MOV10L1: variants seen among roughly 807,000 people sequenced by gnomAD.
MOV10L1 encodes Mov10 like RNA helicase 1.
MOV10L1 carries 110 observed loss-of-function variants against 143.8 expected under a neutral mutation model. That is an observed-to-expected ratio of 0.76 (90% CI 0.66 to 0.90). The LOEUF is 0.90. MOV10L1 is among the 40% of genes least tolerant of loss of function. MOV10L1 has a pLI of 0.00. For synonymous variants in MOV10L1, 593 were observed against 581.1 expected (o/e 1.02, Z -0.29); for missense variants, 1,406 against 1,526.8 (o/e 0.92, Z 1.32).
At chr22:50,143,544 G>A (rs759278236) in intron 17 of MOV10L1, among the ~76,000 whole-genome samples, 1 of 152,174 alleles carries the variant, frequency 6.6e-6, no homozygotes, top group Non-Finnish European at 1.5e-5. Flanking sequence ...ATTTGTAATT[G>A]AAGTTAAGTT....
chr22:50,125,454 T>C lies in MOV10L1; in HGVS notation c.1632T>C (p.Tyr544=), dbSNP rs2147222402. Residue 544 remains tyrosine, a synonymous_variant, in exon 11 of 27, where the codon TAT becomes TAC. Transcript: ENST00000262794. ...CTTTGCTGTGGCTTGAGGAGATTTA[T>C]GCAGAAATGGAACTGAAAGAGTATA... is the stretch of plus-strand genomic sequence containing the variant. ...FSTLLWLEEI[Y]AEMELKEYNM... is the part of the protein sequence containing the mutation. The C allele has an allele frequency of 3.7e-6, 6 of 1,614,224 alleles. No individual in the cohort carries two copies. The East Asian group carries it at 1.1e-4, about 30-fold the overall frequency.
At position 50,104,294 on chromosome 22, in the gene MOV10L1, C is replaced by T. The variant is rs115098666; in HGVS notation, c.443-3842C>T. On this transcript the variant is annotated intron_variant, in intron 3 of 26. Coordinates refer to ENST00000262794, the MANE Select transcript of MOV10L1 (RefSeq NM_018995.3). ...GCTTGGTTTCTAACAGGCCACAGTCCGGTGCCTTCTGTCTACTCTCCCCCA... is the reference window on the plus strand; with the variant it reads ...GCTTGGTTTCTAACAGGCCACAGTCTGGTGCCTTCTGTCTACTCTCCCCCA... Among the ~76,000 whole-genome samples the T allele has an allele frequency of 2.4e-3, 365 of 152,304 alleles. 1 individual carries two copies. The highest frequency in any genetic ancestry group is 8.1e-3 in the African/African-American group (336 of 41,578).
At chr22:50,100,347 A>G (rs951281818) in intron 3 of MOV10L1, among the ~76,000 whole-genome samples, 3 of 152,136 alleles carry the variant, frequency 2.0e-5, no homozygotes, top group African/African-American at 7.2e-5. Context: ...TGTTAAATGC[A>G]GTCAGTAATT....
At chr22:50,156,044 C>T (rs2063418123) in intron 22 of MOV10L1, among the ~76,000 whole-genome samples, 1 of 151,968 alleles carries the variant, frequency 6.6e-6, no homozygotes, top group South Asian at 2.1e-4. Flanking sequence ...AGAGTGAAAC[C>T]CTGTCTCATT....
intron 3 of MOV10L1, among the ~76,000 whole-genome samples, chr22:50,107,216 A>G (rs2061896029): frequency 6.6e-6 from 1 of 151,344 alleles, no homozygotes; most frequent in Non-Finnish European, 1.5e-5. Context: ...CTGGGACTAC[A>G]GGCGCCTACC....
In MOV10L1 at chr22:50,116,193, C is replaced by CTT. The variant is rs111406730; in HGVS notation, c.1260-950_1260-949dup. Reference sequence around the variant, plus strand: ...GTGTGAGGTGCAGCCAGCTTCAATGCTTTTTTTTTTTTTTTGACATTATGA... The same window carrying CTT: ...GTGTGAGGTGCAGCCAGCTTCAATGCTTTTTTTTTTTTTTTTTGACATTATGA... On this transcript the variant is annotated intron_variant, in intron 8 of 26. Coordinates refer to ENST00000262794, the MANE Select transcript of MOV10L1 (RefSeq NM_018995.3). Among the ~76,000 whole-genome samples, 938 of 139,728 alleles carry CTT rather than the reference C, an allele frequency of 6.7e-3. 5 individuals are homozygous for CTT. The highest frequency in any genetic ancestry group is 0.014 in the South Asian group (61 of 4,392). The allele number at this position is 139,728 out of a possible 152,430, so 91.7% of individuals were successfully genotyped here. A position where few individuals can be genotyped will look rare whatever the true frequency, so the allele number is the denominator to read the frequency against.
At chr22:50,123,137 G>A (rs946613963) in intron 10 of MOV10L1, among the ~76,000 whole-genome samples, 4 of 150,536 alleles carry the variant, frequency 2.7e-5, no homozygotes, top group East Asian at 1.9e-4. Flanking sequence ...CAGAGGTTGC[G>A]GTGAGCTGAG....
intron 22 of MOV10L1, among the ~76,000 whole-genome samples, chr22:50,153,695 G>A (rs1466521036): frequency 1.3e-5 from 2 of 152,232 alleles, no homozygotes; most frequent in Admixed American, 6.5e-5. Context: ...AGGAGTGACG[G>A]GCCACCACCC....
At chr22:50,103,322 G>A (rs2061792553) in intron 3 of MOV10L1, among the ~76,000 whole-genome samples, 1 of 152,216 alleles carries the variant, frequency 6.6e-6, no homozygotes, top group African/African-American at 2.4e-5. Context: ...TAACATCAGT[G>A]GTGGGGCTCA....
rs756714170 is a variant in MOV10L1 at position 50,142,094 on chromosome 22, T to G, written c.2084T>G (p.Met695Arg). The stretch of plus-strand genomic sequence containing the variant: ...GATAATTTCTAGAATAGGAAAACAA[T>G]GACGGACCAAGCTGAGCATGGAACA... ...QSTSKKNRKTMTDQAEHGTEE... is the reference protein window; with the variant it reads ...QSTSKKNRKTRTDQAEHGTEE... Residue 695 changes from methionine (M) to arginine (R), a missense_variant, in exon 16 of 27, where the codon ATG becomes AGG. Met to Arg is a moderately conservative substitution (Grantham distance 91). Around this residue, in one of 3 missense-constraint regions of MOV10L1, gnomAD observed 1,233 missense variants for 1,351.4 expected, o/e 0.91. Transcript: ENST00000262794. 1 of 1,609,306 alleles carries G rather than the reference T, an allele frequency of 6.2e-7. No individual in the cohort carries two copies. The highest frequency in any genetic ancestry group is 2.2e-5 in the East Asian group (1 of 44,766).
chr22:50,150,988 G>C (rs923239578), intron 21 of MOV10L1, 89 bp downstream of exon 21: 16 of 1,522,708 alleles, frequency 1.1e-5, no homozygotes, highest in Admixed American at 1.8e-5. Context: ...CTGTCCACCT[G>C]AGTCATCTCC....
At chr22:50,154,707 T>A (rs1166757752) in intron 22 of MOV10L1, among the ~76,000 whole-genome samples, 2 of 152,234 alleles carry the variant, frequency 1.3e-5, no homozygotes, top group Non-Finnish European at 2.9e-5. Context: ...GTGCTCCTCA[T>A]CAAATTATCC....
chr22:50,102,521 A>G (rs971063639), intron 3 of MOV10L1, among the ~76,000 whole-genome samples: 1 of 152,216 alleles, frequency 6.6e-6, no homozygotes, highest in African/African-American at 2.4e-5. Flanking sequence ...TAATTCAACA[A>G]ATTATTAGAG....
chr22:50,114,480 G>C lies in MOV10L1; in HGVS notation c.984G>C (p.Met328Ile). Residue 328 changes from methionine to isoleucine, a missense_variant, in exon 7 of 27, where the codon ATG becomes ATC. This residue lies in a region of MOV10L1 where 1,233 missense variants were observed against 1,351.4 expected (regional missense o/e 0.91). Transcript: ENST00000262794. ...TCCAAATGCTGGATAAAGACCAGATGTGCCCCGTGGTATCTTTTGTTTCTG... is the reference window on the plus strand; with the variant it reads ...TCCAAATGCTGGATAAAGACCAGATCTGCCCCGTGGTATCTTTTGTTTCTG... ...FRFQMLDKDQMCPVVSFVSVP... is the reference protein window; with the variant it reads ...FRFQMLDKDQICPVVSFVSVP... 6.2e-7 allele frequency: 1 copy of C among 1,614,182 alleles called. No individual in the cohort carries two copies. The highest frequency in any genetic ancestry group is 2.2e-5 in the East Asian group (1 of 44,884).
At position 50,159,836 on chromosome 22, in the gene MOV10L1, T is replaced by C. The variant is rs747153552; in HGVS notation, c.3324+51T>C. The C allele has an allele frequency of 1.7e-6, 2 of 1,200,396 alleles. No homozygotes were observed. The highest frequency in any genetic ancestry group is 3.8e-5 in the Admixed American group (2 of 52,444). 74.4% of individuals were successfully genotyped at this position (1,200,396 alleles called of 1,614,324 possible). A position where few individuals can be genotyped will look rare whatever the true frequency, so the allele number is the denominator to read the frequency against. ...ATGGACAGTCAGGTGCTTGCTGCCC[T>C]GGGGGTTCTGGGGGCTTCAGATCTA... On this transcript the variant is annotated intron_variant, in intron 24 of 26. Coordinates refer to ENST00000262794, the MANE Select transcript of MOV10L1 (RefSeq NM_018995.3). The surrounding 1 kb of genome is among the most constrained non-coding windows in gnomAD (Gnocchi z 4.1).
chr22:50,114,912 C>G (rs1404685192), intron 7 of MOV10L1, among the ~76,000 whole-genome samples: 1 of 152,212 alleles, frequency 6.6e-6, no homozygotes, highest in Non-Finnish European at 1.5e-5. Flanking sequence ...TATCCCAGCA[C>G]TTGGTAGTCA....
intron 11 of MOV10L1, 82 bp from the exon 12 acceptor site, chr22:50,126,120 C>T (rs2062497457): frequency 9.5e-6 from 9 of 945,944 alleles, no homozygotes; most frequent in Non-Finnish European, 1.5e-5. Flanking sequence ...ATTGAACCTC[C>T]TCAGTGTTGG....
intron 5 of MOV10L1, among the ~76,000 whole-genome samples, chr22:50,111,459 G>C (rs1220192917): frequency 6.8e-6 from 1 of 147,814 alleles, no homozygotes; most frequent in Non-Finnish European, 1.5e-5. Flanking sequence ...TTTTGGCATG[G>C]TGAGTGGGGT....
At position 50,114,602 on chromosome 22, in the gene MOV10L1, A is replaced by T. The variant is rs887621497; in HGVS notation, c.1106A>T (p.Asn369Ile). The change falls in exon 7 of 27, where the codon AAC becomes ATC. Residue 369 changes from asparagine to isoleucine, a missense_variant. This residue lies in a region of MOV10L1 where 1,233 missense variants were observed against 1,351.4 expected (regional missense o/e 0.91). Coordinates refer to ENST00000262794, the MANE Select transcript of MOV10L1 (RefSeq NM_018995.3). ...TSQMSESSLV[N>I]NRGISPGDCT... Reference sequence around the variant, plus strand: ...CAGATGTCGGAGAGCAGTTTGGTGAACAACAGAGGAATCTCTCCAGGTAGT... The same window carrying T: ...CAGATGTCGGAGAGCAGTTTGGTGATCAACAGAGGAATCTCTCCAGGTAGT... The T allele has an allele frequency of 6.2e-7, 1 of 1,613,926 alleles. No homozygotes were observed. Among genetic ancestry groups the T allele is most frequent in the African/African-American group, 1.3e-5 (1 of 74,894 alleles).
Sources: allele counts gnomAD v4.1 joint callset (sites outside exome capture counted in the v4.1 genomes callset), GRCh38; gene constraint gnomAD v4.1.1; regional missense constraint gnomAD v4.1.1; non-coding constraint Gnocchi (gnomAD v3.1); transcripts MANE v1.5; gene names NCBI Gene and HGNC (gene_info 2026-07-23, HGNC 2026-07-21).